The following RELL1 variants were observed in gnomAD, a reference collection of about 807,000 sequenced individuals.
The protein encoded by RELL1 is RELT-like protein 1.
A neutral mutation model predicts 23.0 loss-of-function variants in RELL1; 10 were observed. The observed-to-expected ratio is 0.43, with a 90% confidence interval of 0.27 to 0.74. The LOEUF is 0.74. Ranked by LOEUF, RELL1 falls within the 30% of genes least tolerant of loss-of-function variation. RELL1 has a pLI of 0.19. For synonymous variants in RELL1, 146 were observed against 146.8 expected, an observed-to-expected ratio of 0.99 and a Z score of 0.04; for missense variants, 315 against 364.4, an observed-to-expected ratio of 0.86 and a Z score of 1.10.
intron 6 of RELL1, among the ~76,000 whole-genome samples, chr4:37,593,368 G>A (rs1469558811): frequency 6.6e-6 from 1 of 152,122 alleles, no homozygotes; most frequent in Non-Finnish European, 1.5e-5. Flanking sequence ...ACGTATCAAT[G>A]ACCCGCATAT....
Position 37,686,248 on chromosome 4 carries a change from C to G in RELL1, c.40G>C (p.Ala14Pro). 1.3e-6 allele frequency: 2 copies of G among 1,573,494 alleles called. No homozygotes were observed. Among genetic ancestry groups the G allele is most frequent in the Non-Finnish European group, 8.6e-7 (1 of 1,168,254 alleles). ...RALPGSAVLA[A>P]AVFVGGAVSS... ...ACGGCGCCTCCCACGAAGACAGCAG[C>G]GGCTAGGACGGCGGACCCCGGGAGT... The change falls in exon 1 of 7, where the codon GCT becomes CCT. Residue 14 changes from alanine (A) to proline (P), a missense_variant. By Grantham distance (27) the Ala-to-Pro change is conservative. Transcript: ENST00000454158.
intron 1 of RELL1, among the ~76,000 whole-genome samples, chr4:37,677,164 C>G (rs979781779): frequency 3.3e-5 from 5 of 152,188 alleles, no homozygotes; most frequent in African/African-American, 1.2e-4. Context: ...CATCCTACAT[C>G]CAAGGAGCTG....
intron 3 of RELL1, among the ~76,000 whole-genome samples, chr4:37,647,050 T>C (rs150710601): frequency 2.8e-4 from 43 of 152,332 alleles, no homozygotes; most frequent in African/African-American, 1.0e-3. Flanking sequence ...ATCCTCATTT[T>C]ACAGGAAGAA....
chr4:37,632,231 G>T (rs1720168412), intron 5 of RELL1, among the ~76,000 whole-genome samples: 1 of 150,470 alleles, frequency 6.6e-6, no homozygotes, highest in South Asian at 2.2e-4. Flanking sequence ...GAGTGCAGTG[G>T]TACAATCTCG....
intron 1 of RELL1, among the ~76,000 whole-genome samples, chr4:37,661,894 C>G (rs1721368666): frequency 6.6e-6 from 1 of 152,128 alleles, no homozygotes; most frequent in African/African-American, 2.4e-5. Context: ...CAGACAATTC[C>G]TAGACAAACA....
chr4:37,659,722 C>T (rs930983961), intron 1 of RELL1, among the ~76,000 whole-genome samples: 1 of 152,144 alleles, frequency 6.6e-6, no homozygotes, highest in Non-Finnish European at 1.5e-5. Context: ...ATTCCCCAAC[C>T]TTCTGCAGCC....
At chr4:37,601,155 C>G (rs556656111) in intron 6 of RELL1, among the ~76,000 whole-genome samples, 2 of 152,300 alleles carry the variant, frequency 1.3e-5, no homozygotes, top group East Asian at 3.9e-4. Context: ...AACCTCAGGC[C>G]CCATAGGCTT....
chr4:37,676,592 G>C (rs1295461282), intron 1 of RELL1, among the ~76,000 whole-genome samples: 1 of 152,004 alleles, frequency 6.6e-6, no homozygotes, highest in Non-Finnish European at 1.5e-5. Flanking sequence ...TATCATTCTT[G>C]GCAGTATTGC....
chr4:37,649,668 A>C (rs1720831835), intron 1 of RELL1, among the ~76,000 whole-genome samples, 168 bp from the exon 2 acceptor site: 2 of 152,222 alleles, frequency 1.3e-5, no homozygotes, highest in Non-Finnish European at 2.9e-5. Context: ...GTTTGAGCTC[A>C]AACAGTCTGA....
intron 6 of RELL1, chr4:37,622,918 C>A: frequency 2.3e-6 from 1 of 428,778 alleles, no homozygotes; most frequent in Non-Finnish European, 4.6e-6. Context: ...GACTCTCCTG[C>A]CTCAGCCTCC....
intron 6 of RELL1, among the ~76,000 whole-genome samples, chr4:37,596,732 ATATATTTTTTTTTTTTT>A (rs1718867253): frequency 5.9e-5 from 1 of 17,092 alleles, no homozygotes. Context: ...ATATATATAT[ATATATTTTTTTTTTTTT>A]TTTTTTTTTT....
intron 1 of RELL1, among the ~76,000 whole-genome samples, chr4:37,684,032 C>G (rs181309368): frequency 6.6e-6 from 1 of 152,140 alleles, no homozygotes; most frequent in Non-Finnish European, 1.5e-5. Context: ...AGTGAGATCG[C>G]GCCACTGCAC....
chr4:37,674,551 T>C (rs1432533369), intron 1 of RELL1, among the ~76,000 whole-genome samples: 1 of 152,220 alleles, frequency 6.6e-6, no homozygotes, highest in Non-Finnish European at 1.5e-5. Flanking sequence ...TACGAGCATA[T>C]AGAAAAAACT....
At chr4:37,592,944 A>G (rs1310776852) in intron 6 of RELL1, among the ~76,000 whole-genome samples, 1 of 152,246 alleles carries the variant, frequency 6.6e-6, no homozygotes, top group Non-Finnish European at 1.5e-5. Context: ...GCAATTATTT[A>G]GTATAAAACA....
At chr4:37,602,695 A>G (rs1719047959) in intron 6 of RELL1, among the ~76,000 whole-genome samples, 1 of 152,170 alleles carries the variant, frequency 6.6e-6, no homozygotes, top group Non-Finnish European at 1.5e-5. Flanking sequence ...CTGATCCTTA[A>G]AACTCCTGTG....
intron 4 of RELL1, 64 bp from the exon 5 acceptor site, chr4:37,635,187 T>G: frequency 4.7e-6 from 6 of 1,282,850 alleles, no homozygotes; most frequent in Non-Finnish European, 6.8e-6. Flanking sequence ...AGGTGATCTC[T>G]CTCCCTGTGA....
intron 1 of RELL1, among the ~76,000 whole-genome samples, chr4:37,670,451 A>G (rs1202782639): frequency 6.6e-6 from 1 of 152,250 alleles, no homozygotes; most frequent in Non-Finnish European, 1.5e-5. Flanking sequence ...TGAAAACCAC[A>G]GGAAACAAGA....
At chr4:37,644,078 G>A (rs145100992) in intron 3 of RELL1, among the ~76,000 whole-genome samples, 1,688 of 152,118 alleles carry the variant, frequency 0.011, 14 homozygotes, top group Middle Eastern at 0.034. Flanking sequence ...GGAGAGAGGA[G>A]AAAAATGGCA....
At chr4:37,595,169 T>C (rs1324145972) in intron 6 of RELL1, among the ~76,000 whole-genome samples, 1 of 152,228 alleles carries the variant, frequency 6.6e-6, no homozygotes, top group Non-Finnish European at 1.5e-5. Context: ...CCTTTCCCTG[T>C]TAACTAATAG....
Sources: gnomAD v4.1 joint callset for allele counts (sites outside exome capture counted in the v4.1 genomes callset) on GRCh38, gnomAD v4.1.1 for gene constraint, MANE v1.5 for transcripts, NCBI Gene and HGNC (gene_info 2026-07-23, HGNC 2026-07-21) for gene names.